The following APP variants were observed in gnomAD, a reference collection of about 807,000 sequenced individuals.
The protein encoded by APP is amyloid-beta precursor protein.
APP carries 31 observed loss-of-function variants against 101.4 expected under a neutral mutation model. That is an observed-to-expected ratio of 0.31 (90% CI 0.23 to 0.41). The LOEUF is 0.41. Among genes scored for constraint, APP ranks in the 10% least tolerant of loss-of-function variants. The pLI is 1.00. For missense variants in APP, 839 were observed against 1,003.7 expected (o/e 0.84, Z 2.22); for synonymous variants, 366 against 364.4 (o/e 1.00, Z -0.05).
At chr21:26,075,569 C>T (rs985457284) in intron 3 of APP, among the ~76,000 whole-genome samples, 1 of 152,108 alleles carries the variant, frequency 6.6e-6, no homozygotes, top group Non-Finnish European at 1.5e-5. Context: ...ATTAAAAGAG[C>T]TAACATAATA....
At chr21:26,025,914 A>G (rs901538535) in intron 5 of APP, among the ~76,000 whole-genome samples, 3 of 152,220 alleles carry the variant, frequency 2.0e-5, no homozygotes, top group Admixed American at 6.5e-5. Flanking sequence ...TTTTGTTTGA[A>G]TAATGCTGCA....
intron 13 of APP, among the ~76,000 whole-genome samples, chr21:25,948,334 CAG>C (rs1382593315): frequency 6.6e-6 from 1 of 152,082 alleles, no homozygotes; most frequent in Non-Finnish European, 1.5e-5. Context: ...TTATTAGAAA[CAG>C]AATATGGAAA....
intron 1 of APP, among the ~76,000 whole-genome samples, chr21:26,161,099 G>A (rs1390654180): frequency 6.6e-6 from 1 of 152,112 alleles, no homozygotes; most frequent in East Asian, 1.9e-4. Context: ...AGAATTTCTA[G>A]AGAACTCATT....
chr21:25,935,881 C>T (rs2040344250), intron 13 of APP, among the ~76,000 whole-genome samples: 1 of 142,004 alleles, frequency 7.0e-6, no homozygotes, highest in Non-Finnish European at 1.5e-5. Context: ...TCCCTCCATA[C>T]AAGTGTATGC....
intron 3 of APP, among the ~76,000 whole-genome samples, chr21:26,077,775 GAAA>G (rs796489181): frequency 1.2e-5 from 1 of 86,954 alleles, no homozygotes; most frequent in Non-Finnish European, 2.4e-5. Flanking sequence ...ACAGGAGAAG[GAAA>G]AAAAAAAAAA....
Position 25,911,745 on chromosome 21 carries a change from G to A in APP, c.1905C>T (p.Asn635=), listed in dbSNP as rs768007693. Residue 635 remains asparagine (N), a synonymous_variant, in exon 14 of 18, where the codon AAC becomes AAT. Transcript: ENST00000346798. ...GADSVPANTE[N]EVEPVDARPA... Reference sequence around the variant, plus strand: ...GCTGGCTCAGGGGACTCTTACCTTCGTTTTCTGTGTTGGCTGGCACAGAGT... The same window carrying A: ...GCTGGCTCAGGGGACTCTTACCTTCATTTTCTGTGTTGGCTGGCACAGAGT... 13 of 1,613,872 alleles carry A rather than the reference G, an allele frequency of 8.1e-6. No individual in the cohort carries two copies. Among genetic ancestry groups the A allele is most frequent in the South Asian group, 2.2e-5 (2 of 91,060 alleles).
chr21:26,015,426 G>A (rs1393889847), intron 6 of APP, among the ~76,000 whole-genome samples: 1 of 152,100 alleles, frequency 6.6e-6, no homozygotes, highest in Non-Finnish European at 1.5e-5. Flanking sequence ...GAAGCAATGA[G>A]GATTCAAGGT....
At chr21:25,944,038 C>A (rs181665234) in intron 13 of APP, among the ~76,000 whole-genome samples, 4 of 151,904 alleles carry the variant, frequency 2.6e-5, no homozygotes, top group East Asian at 3.9e-4. Flanking sequence ...TTCAATGCCC[C>A]CCCCCAACCA....
At chr21:25,928,716 A>C (rs2146384217) in intron 13 of APP, 1 of 151,856 alleles carries the variant, frequency 6.6e-6, no homozygotes, top group African/African-American at 2.4e-5. Context: ...TCTTCTACAA[A>C]CAAAAATAAA....
At chr21:25,954,721 A>C in intron 12 of APP, 32 bp from the exon 13 acceptor site, 1 of 1,544,598 alleles carries the variant, frequency 6.5e-7, no homozygotes, top group African/African-American at 1.4e-5. Context: ...CCAGGTCAAC[A>C]ATGTCTGGGG....
intron 5 of APP, among the ~76,000 whole-genome samples, chr21:26,036,537 T>C (rs536341421): frequency 1.3e-5 from 2 of 152,270 alleles, no homozygotes; most frequent in East Asian, 3.9e-4. Context: ...AAAGGGGTTA[T>C]GAAGAGAAGT....
intron 6 of APP, among the ~76,000 whole-genome samples, chr21:26,012,168 C>CA (rs2146732119): frequency 6.6e-6 from 1 of 151,866 alleles, no homozygotes; most frequent in Non-Finnish European, 1.5e-5. Flanking sequence ...ACACTACAGC[C>CA]AAAACAACAA....
chr21:25,924,415 AAAAAAAAAAAAAG>A (rs2039781995), intron 13 of APP, among the ~76,000 whole-genome samples: 2 of 92,408 alleles, frequency 2.2e-5, no homozygotes, highest in African/African-American at 4.4e-5. Context: ...CAAATACAAA[AAAAAAAAAAAAAG>A]GAAAAAAAAA....
intron 3 of APP, among the ~76,000 whole-genome samples, chr21:26,080,671 TGAGGCA>T (rs569341009): frequency 7.9e-4 from 119 of 151,084 alleles, no homozygotes; most frequent in African/African-American, 2.7e-3. Context: ...CTCGGTAGGC[TGAGGCA>T]GAGAATGGCT....
At chr21:25,913,421 T>A (rs1258153677) in intron 13 of APP, among the ~76,000 whole-genome samples, 1 of 152,244 alleles carries the variant, frequency 6.6e-6, no homozygotes, top group Non-Finnish European at 1.5e-5. Flanking sequence ...AAGACCCTCA[T>A]TAGATTTCCT....
At chr21:26,026,323 C>G (rs567050123) in intron 5 of APP, among the ~76,000 whole-genome samples, 1 of 152,290 alleles carries the variant, frequency 6.6e-6, no homozygotes, top group Admixed American at 6.5e-5. Flanking sequence ...TCTGAAAATG[C>G]TGACCATCCC....
intron 3 of APP, among the ~76,000 whole-genome samples, chr21:26,077,148 T>A (rs186289169): frequency 1.1e-3 from 165 of 152,324 alleles, no homozygotes; most frequent in Non-Finnish European, 2.0e-3. Context: ...AACTTCTTCC[T>A]GCCATCAAAT....
At chr21:26,136,320 A>G (rs996842431) in intron 1 of APP, among the ~76,000 whole-genome samples, 45 of 152,242 alleles carry the variant, frequency 3.0e-4, no homozygotes, top group African/African-American at 1.1e-3. Context: ...CACGATGGAC[A>G]ATATACAGCC....
At chr21:25,931,494 GCGCTTCAT>G (rs2040146004) in intron 13 of APP, among the ~76,000 whole-genome samples, 1 of 152,230 alleles carries the variant, frequency 6.6e-6, no homozygotes, top group Admixed American at 6.5e-5. Context: ...CAAGTGACCT[GCGCTTCAT>G]GAACAGGTAA....
Sources: gnomAD v4.1 joint callset for allele counts (sites outside exome capture counted in the v4.1 genomes callset) on GRCh38, gnomAD v4.1.1 for gene constraint, MANE v1.5 for transcripts, NCBI Gene and HGNC (gene_info 2026-07-23, HGNC 2026-07-21) for gene names.